TMEM131L: variants seen among roughly 807,000 people sequenced by gnomAD.
The protein encoded by TMEM131L is transmembrane 131 like.
Under a neutral mutation model 192.2 loss-of-function variants are expected in TMEM131L, and 54 were observed. That is an observed-to-expected ratio of 0.28 (90% CI 0.23 to 0.35). The LOEUF (loss-of-function observed/expected upper bound fraction) is 0.35, where lower values mean the gene tolerates loss of function less well. Ranked by LOEUF, TMEM131L falls within the 10% of genes least tolerant of loss-of-function variation. The pLI is 1.00. For missense variants in TMEM131L, 1,888 were observed against 1,972.9 expected (o/e 0.96, Z 0.82); for synonymous variants, 701 against 704.9 (o/e 0.99, Z 0.09).
chr4:153,626,476 C>G lies in TMEM131L; in HGVS notation c.4124+251C>G, dbSNP rs571882107. Among the ~76,000 whole-genome samples, 13 of 152,192 alleles carry G rather than the reference C, an allele frequency of 8.5e-5. No individual in the cohort carries two copies. The East Asian group carries it at 2.5e-3, about 29-fold the overall frequency. ...GTTGGAAAATACCTAAGTTTTGAGGCCAGCCGTGGTGGTTCACACTTGTAA... is the reference window on the plus strand; with the variant it reads ...GTTGGAAAATACCTAAGTTTTGAGGGCAGCCGTGGTGGTTCACACTTGTAA... On this transcript the variant is annotated intron_variant, in intron 30 of 34. Coordinates refer to ENST00000409959, the MANE Select transcript of TMEM131L (RefSeq NM_001131007.2).
At chr4:153,559,019 A>G (rs372679208) in intron 7 of TMEM131L, among the ~76,000 whole-genome samples, 4 of 152,236 alleles carry the variant, frequency 2.6e-5, no homozygotes, top group African/African-American at 9.7e-5. Context: ...GAACCAATAT[A>G]TTATGAAACT....
chr4:153,528,952 G>A (rs1735697926), intron 3 of TMEM131L, among the ~76,000 whole-genome samples: 1 of 152,154 alleles, frequency 6.6e-6, no homozygotes, highest in Admixed American at 6.5e-5. Flanking sequence ...GTTTCTGTGG[G>A]TCTGGCCTCC....
chr4:153,609,507 ATG>A (rs1368147397), intron 25 of TMEM131L, among the ~76,000 whole-genome samples: 2 of 152,188 alleles, frequency 1.3e-5, no homozygotes, highest in African/African-American at 4.8e-5. Context: ...TAAATGACGT[ATG>A]TGTTTGGTAT....
chr4:153,607,647 C>T (rs1732329755), intron 25 of TMEM131L, among the ~76,000 whole-genome samples: 1 of 152,144 alleles, frequency 6.6e-6, no homozygotes, highest in Non-Finnish European at 1.5e-5. Context: ...CTTAAGAATA[C>T]CTTAAGTGAT....
At chr4:153,476,491 A>G (rs1731547432) in intron 3 of TMEM131L, among the ~76,000 whole-genome samples, 1 of 152,036 alleles carries the variant, frequency 6.6e-6, no homozygotes. Flanking sequence ...AGGTCAGGTG[A>G]TCAAGACCAT....
chr4:153,514,804 C>T (rs1271641872), intron 3 of TMEM131L, among the ~76,000 whole-genome samples: 3 of 151,870 alleles, frequency 2.0e-5, no homozygotes, highest in African/African-American at 7.3e-5. Context: ...ATTACTTCAC[C>T]CTGTTTTTTT....
intron 31 of TMEM131L, among the ~76,000 whole-genome samples, chr4:153,630,860 A>C (rs549596555): frequency 6.6e-6 from 1 of 152,298 alleles, no homozygotes; most frequent in African/African-American, 2.4e-5. Context: ...GCCGCAGTGG[A>C]GAACATACCC....
At chr4:153,491,787 A>T (rs565819474) in intron 3 of TMEM131L, among the ~76,000 whole-genome samples, 1 of 152,030 alleles carries the variant, frequency 6.6e-6, no homozygotes, top group East Asian at 1.9e-4. Context: ...GCTCACTACA[A>T]CCTCAGACTC....
intron 3 of TMEM131L, among the ~76,000 whole-genome samples, chr4:153,518,042 A>C (rs557909461): frequency 3.8e-4 from 58 of 152,084 alleles, no homozygotes; most frequent in African/African-American, 1.2e-3. Flanking sequence ...GAAAAAAAAA[A>C]CAGTAACCTT....
Position 153,604,325 on chromosome 4 carries a change from C to G in TMEM131L, c.3313C>G (p.Leu1105Val). 6.2e-7 allele frequency: 1 copy of G among 1,614,126 alleles called. No individual in the cohort carries two copies. Among genetic ancestry groups the G allele is most frequent in the Non-Finnish European group, 8.5e-7 (1 of 1,179,998 alleles). The part of the protein sequence containing the change: ...ENTAEFKERE[L>V]CPLKTSKKLP... ...CACAGCCGAGTTCAAGGAACGGGAG[C>G]TCTGTCCACTGAAGACCTCCAAGAA... Residue 1105 changes from leucine (L) to valine (V), a missense_variant, in exon 25 of 35, where the codon CTC becomes GTC. Transcript: ENST00000409959.
chr4:153,514,672 G>C (rs374490619), intron 3 of TMEM131L, among the ~76,000 whole-genome samples: 1 of 152,074 alleles, frequency 6.6e-6, no homozygotes, highest in African/African-American at 2.4e-5. Context: ...TGTCTAGCTG[G>C]TAAGTGTAAT....
At chr4:153,631,723 A>G (rs1734223204) in intron 31 of TMEM131L, among the ~76,000 whole-genome samples, 1 of 152,214 alleles carries the variant, frequency 6.6e-6, no homozygotes, top group Admixed American at 6.5e-5. Context: ...AAAACCTTCC[A>G]GTAGCTTCAA....
chr4:153,520,447 C>T (rs1735031080), intron 3 of TMEM131L, among the ~76,000 whole-genome samples: 2 of 152,126 alleles, frequency 1.3e-5, no homozygotes, highest in Non-Finnish European at 2.9e-5. Flanking sequence ...CCAGCCTGGG[C>T]AACAGAGTGA....
chr4:153,572,121 A>G (rs116646703), intron 7 of TMEM131L, among the ~76,000 whole-genome samples: 1,625 of 152,174 alleles, frequency 0.011, 25 homozygotes, highest in African/African-American at 0.036. Flanking sequence ...ACTGTATACA[A>G]TGTGTAACGA....
chr4:153,534,163 C>T (rs562808010), intron 3 of TMEM131L, among the ~76,000 whole-genome samples: 104 of 152,252 alleles, frequency 6.8e-4, no homozygotes, highest in African/African-American at 2.4e-3. Flanking sequence ...CAAATGTTAC[C>T]GAGTGAGTGT....
chr4:153,527,866 T>C (rs1463930982), intron 3 of TMEM131L, among the ~76,000 whole-genome samples: 1 of 152,188 alleles, frequency 6.6e-6, no homozygotes, highest in Non-Finnish European at 1.5e-5. Flanking sequence ...AACCTCGTCC[T>C]TTTACTGCGA....
intron 7 of TMEM131L, among the ~76,000 whole-genome samples, chr4:153,559,623 C>T (rs536174503): frequency 7.8e-4 from 119 of 152,272 alleles, no homozygotes; most frequent in African/African-American, 2.8e-3. Flanking sequence ...CCTGGCCTGG[C>T]AGATCCTGCG....
chr4:153,489,357 C>T (rs963645125), intron 3 of TMEM131L, among the ~76,000 whole-genome samples: 7 of 152,208 alleles, frequency 4.6e-5, no homozygotes, highest in Non-Finnish European at 8.8e-5. Context: ...GCAGTTTCTT[C>T]CCAGCTCATT....
At chr4:153,593,981 C>G in intron 19 of TMEM131L, 110 bp downstream of exon 19, 1 of 723,342 alleles carries the variant, frequency 1.4e-6, no homozygotes, top group Non-Finnish European at 2.4e-6. Flanking sequence ...ATATATGGCT[C>G]TTTTATTTTG....
Sources: allele counts gnomAD v4.1 joint callset (sites outside exome capture counted in the v4.1 genomes callset), GRCh38; gene constraint gnomAD v4.1.1; transcripts MANE v1.5; gene names NCBI Gene and HGNC (gene_info 2026-07-23, HGNC 2026-07-21).